ATL1: variants seen among roughly 807,000 people sequenced by gnomAD.
ATL1 encodes atlastin GTPase 1.
Under a neutral mutation model 75.5 loss-of-function variants are expected in ATL1, and 31 were observed. That is an observed-to-expected ratio of 0.41 (90% CI 0.31 to 0.55). ATL1 has a LOEUF of 0.55. Ranked by LOEUF, ATL1 falls within the 20% of genes least tolerant of loss-of-function variation. The pLI, the probability that ATL1 is intolerant of heterozygous loss-of-function variation, is 0.27. For synonymous variants in ATL1, 226 were observed against 233.3 expected (o/e 0.97, Z 0.28); for missense variants, 405 against 662.6 (o/e 0.61, Z 4.27).
chr14:50,605,268 T>C (rs1404105506), intron 6 of ATL1, among the ~76,000 whole-genome samples: 3 of 151,764 alleles, frequency 2.0e-5, no homozygotes, highest in Non-Finnish European at 2.9e-5. Flanking sequence ...GCAATATCCA[T>C]AGACTTCCCT....
intron 1 of ATL1, among the ~76,000 whole-genome samples, chr14:50,536,294 G>A (rs2038491287): frequency 3.9e-5 from 6 of 152,140 alleles, no homozygotes; most frequent in Admixed American, 3.3e-4. Context: ...AAATTAGCCA[G>A]GCATGGTGGT....
intron 1 of ATL1, among the ~76,000 whole-genome samples, chr14:50,577,926 C>T (rs957173899): frequency 2.0e-5 from 3 of 152,060 alleles, no homozygotes; most frequent in African/African-American, 7.2e-5. Flanking sequence ...TAGAGTGTAG[C>T]TTTTCTAAAC....
chr14:50,631,776 G>C lies in ATL1; in HGVS notation c.1567-453G>C, dbSNP rs146402153. On this transcript the variant is annotated intron_variant, in intron 13 of 13. Coordinates refer to ENST00000358385, the MANE Select transcript of ATL1 (RefSeq NM_015915.5). The stretch of plus-strand genomic sequence containing the variant: ...ACCATATGTGCTTAGCTGCATGACT[G>C]TATCAGTAAATGATGGAGAATAAAA... Among the ~76,000 whole-genome samples the C allele has an allele frequency of 7.9e-5, 12 of 152,314 alleles. No homozygotes were observed. In the East Asian group the frequency reaches 2.1e-3, roughly 27 times the overall value.
chr14:50,598,770 A>G (rs553379892), intron 6 of ATL1, among the ~76,000 whole-genome samples: 68 of 152,368 alleles, frequency 4.5e-4, no homozygotes, highest in Admixed American at 8.5e-4. Context: ...AGCAAAGCTC[A>G]GTGGAACTAA....
chr14:50,620,780 C>T, intron 9 of ATL1, 54 bp downstream of exon 9: 8 of 1,598,388 alleles, frequency 5.0e-6, no homozygotes, highest in Middle Eastern at 1.7e-4. Context: ...TATATTGGAT[C>T]GTAATTCCTA....
intron 1 of ATL1, among the ~76,000 whole-genome samples, chr14:50,547,391 C>A (rs187170742): frequency 6.6e-6 from 1 of 152,190 alleles, no homozygotes; most frequent in Non-Finnish European, 1.5e-5. Flanking sequence ...GAAATGAAAT[C>A]TGTTATGTAG....
chr14:50,603,427 A>C (rs189840908), intron 6 of ATL1, among the ~76,000 whole-genome samples: 78 of 152,334 alleles, frequency 5.1e-4, no homozygotes, highest in African/African-American at 1.8e-3. Flanking sequence ...ATTATTAGTG[A>C]GCACATCAGT....
intron 9 of ATL1, 93 bp from the exon 10 acceptor site, chr14:50,621,750 T>C: frequency 1.3e-6 from 1 of 787,522 alleles, no homozygotes; most frequent in Admixed American, 2.4e-5. Context: ...AAAATATTTT[T>C]TGAAATGTCA....
rs71441294 is a variant in ATL1 at position 50,592,946 on chromosome 14, A to ATATGTG, written c.523-899_523-898insATGTGT. Among the ~76,000 whole-genome samples the ATATGTG allele has an allele frequency of 9.9e-3, 1,311 of 132,450 alleles. 20 individuals carry two copies. The highest frequency in any genetic ancestry group is 0.039 in the African/African-American group (1,259 of 32,468). 86.9% of individuals were successfully genotyped at this position (132,450 alleles called of 152,430 possible). A position where few individuals can be genotyped will look rare whatever the true frequency, so the allele number is the denominator to read the frequency against. ...AAAAAAAAAATATATATATATATAT[A>ATATGTG]TGTGTGTGTGTGTGTGTGTAAATTA... On this transcript the variant is annotated intron_variant, in intron 4 of 13. Transcript: ENST00000358385.
At chr14:50,605,903 G>A (rs1029318732) in intron 6 of ATL1, among the ~76,000 whole-genome samples, 2 of 151,942 alleles carry the variant, frequency 1.3e-5, no homozygotes, top group Admixed American at 6.6e-5. Context: ...TCAAGACCAG[G>A]GTTTAAATTC....
intron 6 of ATL1, among the ~76,000 whole-genome samples, chr14:50,597,819 C>G (rs2039235294): frequency 6.6e-6 from 1 of 152,042 alleles, no homozygotes. Flanking sequence ...CTCAGCCTCC[C>G]GAGTAGCTGA....
At chr14:50,595,522 C>T (rs942824135) in intron 5 of ATL1, 54 bp from the exon 6 acceptor site, 1 of 411,004 alleles carries the variant, frequency 2.4e-6, no homozygotes, top group Non-Finnish European at 3.5e-6. Flanking sequence ...CTAAAGTTCT[C>T]TCTCTCTCTC....
chr14:50,582,593 T>G (rs1213951859), intron 1 of ATL1, among the ~76,000 whole-genome samples: 3 of 142,062 alleles, frequency 2.1e-5, no homozygotes, highest in Admixed American at 2.1e-4. Flanking sequence ...TGTTGTTGTT[T>G]TTTTTTTTTT....
rs1480243219 is a variant in ATL1 at position 50,588,670 on chromosome 14, C to T, written c.282+592C>T. ...TTGGGAGGCCGAGGTGGGTGGATCA[C>T]GAGGTCAAGAGATCAATACCATCCT... On this transcript the variant is annotated intron_variant, in intron 2 of 13. Coordinates refer to ENST00000358385, the MANE Select transcript of ATL1 (RefSeq NM_015915.5). Among the ~76,000 whole-genome samples the T allele has an allele frequency of 2.6e-5, 4 of 152,050 alleles. No homozygotes were observed. The East Asian group carries it at 5.8e-4, about 22-fold the overall frequency.
chr14:50,587,991 G>C lies in ATL1; in HGVS notation c.195G>C (p.Lys65Asn). 1.2e-6 allele frequency: 2 copies of C among 1,614,182 alleles called. No homozygotes were observed. The highest frequency in any genetic ancestry group is 1.7e-6 in the Non-Finnish European group (2 of 1,180,038). ...TTCTCTCGGAGGCTGTCAGAGACAA[G>C]GAGGTTGTTGCTGTATCTGTTGCTG... ...RILLSEAVRD[K>N]EVVAVSVAGA... is the part of the protein sequence containing the mutation. Residue 65 changes from lysine to asparagine, a missense_variant, in exon 2 of 14, where the codon AAG (lysine) becomes AAC (asparagine). Physicochemically the swap from Lys to Asn is moderately conservative, Grantham distance 94. This residue lies in a region of ATL1 where 126 missense variants were observed against 172.0 expected (regional missense o/e 0.73). Transcript: ENST00000358385.
chr14:50,617,780 A>G (rs1566732126), intron 8 of ATL1, among the ~76,000 whole-genome samples: 1 of 152,250 alleles, frequency 6.6e-6, no homozygotes, highest in Non-Finnish European at 1.5e-5. Flanking sequence ...GCCAAAGCTT[A>G]TTAATGCCCC....
intron 1 of ATL1, among the ~76,000 whole-genome samples, chr14:50,562,279 C>T (rs2038856279): frequency 6.6e-6 from 1 of 152,118 alleles, no homozygotes; most frequent in African/African-American, 2.4e-5. Flanking sequence ...CTCCTGACCT[C>T]GTGATCCGCC....
At position 50,560,298 on chromosome 14, in the gene ATL1, G is replaced by T; in HGVS notation, c.33G>T (p.Trp11Cys). 1 of 1,613,942 alleles carries T rather than the reference G, an allele frequency of 6.2e-7. No homozygotes were observed. Among genetic ancestry groups the T allele is most frequent in the South Asian group, 1.1e-5 (1 of 91,056 alleles). Residue 11 changes from tryptophan to cysteine, a missense_variant and splice_region_variant, in exon 1 of 14, where the codon TGG becomes TGT. Physicochemically the swap from Trp to Cys is radical, Grantham distance 215. Transcript: ENST00000358385. ...AGAACCGCAGGGACAGAAACAGTTG[G>T]GGTGAGTAGCAAATGAGAACTTCTG... is the stretch of plus-strand genomic sequence containing the variant. MAKNRRDRNS[W>C]GGFSEKTYEW...
intron 1 of ATL1, among the ~76,000 whole-genome samples, chr14:50,541,833 C>T (rs1430380928): frequency 6.6e-6 from 1 of 151,154 alleles, no homozygotes; most frequent in Non-Finnish European, 1.5e-5. Context: ...ACGGTGAAAC[C>T]CCATCTCTCT....
Sources: allele counts gnomAD v4.1 joint callset (sites outside exome capture counted in the v4.1 genomes callset), GRCh38; gene constraint gnomAD v4.1.1; regional missense constraint gnomAD v4.1.1; transcripts MANE v1.5; gene names NCBI Gene and HGNC (gene_info 2026-07-23, HGNC 2026-07-21).